Variants in SOX6 observed in about 807,000 individuals in gnomAD.
SOX6 encodes transcription factor SOX-6.
In SOX6, 11 loss-of-function variants were observed where a neutral mutation model predicts 97.8. That is an observed-to-expected ratio of 0.11 (90% CI 0.07 to 0.19). The LOEUF (loss-of-function observed/expected upper bound fraction) is 0.19. Ranked by LOEUF, SOX6 falls within the 10% of genes least tolerant of loss-of-function variation. The pLI is 1.00. For missense variants in SOX6, 810 were observed against 1,039.5 expected (o/e 0.78, Z 3.04); for synonymous variants, 360 against 371.4 (o/e 0.97, Z 0.35).
chr11:16,548,837 C>A (rs115390677), intron 4 of SOX6, among the ~76,000 whole-genome samples: 2,137 of 151,782 alleles, frequency 0.014, 42 homozygotes, highest in East Asian at 0.052. Context: ...GTGTTCTCAC[C>A]ACAAATAAAT....
intron 3 of SOX6, among the ~76,000 whole-genome samples, chr11:16,648,737 G>C (rs757446402): frequency 6.6e-6 from 1 of 152,104 alleles, no homozygotes; most frequent in African/African-American, 2.4e-5. Flanking sequence ...ACCCCCAAAA[G>C]ATCCCCAGCA....
intron 2 of SOX6, among the ~76,000 whole-genome samples, chr11:16,720,942 T>G (rs1026901574): frequency 6.6e-6 from 1 of 152,154 alleles, no homozygotes; most frequent in African/African-American, 2.4e-5. Flanking sequence ...AAAAGTCCAG[T>G]AGCATCTTCC....
intron 3 of SOX6, among the ~76,000 whole-genome samples, chr11:16,632,011 A>G (rs553758900): frequency 4.3e-4 from 66 of 152,136 alleles, no homozygotes; most frequent in Non-Finnish European, 7.8e-4. Flanking sequence ...ATTGACTTTC[A>G]ACCTTGTCTT....
At position 16,016,922 on chromosome 11, in the gene SOX6, C is replaced by T. The variant is rs543693827; in HGVS notation, c.1624-1872G>A. On this transcript the variant is annotated intron_variant, in intron 12 of 15. Coordinates refer to ENST00000683767, the MANE Select transcript of SOX6 (RefSeq NM_001367873.1). ...CAACTTTCTCTGAAAATCAACAGAC[C>T]GTGCTATCTATCAATATGCATATTT... Among the ~76,000 whole-genome samples, 7 of 152,038 alleles carry T rather than the reference C, an allele frequency of 4.6e-5. No individual in the cohort carries two copies. The South Asian group carries it at 6.2e-4, about 14-fold the overall frequency.
chr11:16,347,379 T>A (rs1856798525), intron 1 of SOX6, among the ~76,000 whole-genome samples: 1 of 152,108 alleles, frequency 6.6e-6, no homozygotes, highest in Non-Finnish European at 1.5e-5. Flanking sequence ...CCAGATTTTA[T>A]AAATAAATTC....
At chr11:16,233,470 G>A (rs978366411) in intron 4 of SOX6, among the ~76,000 whole-genome samples, 7 of 152,154 alleles carry the variant, frequency 4.6e-5, no homozygotes, top group East Asian at 3.9e-4. Flanking sequence ...TATCAATCAC[G>A]TATATTCAAA....
At chr11:16,563,040 T>A (rs1046028072) in intron 4 of SOX6, among the ~76,000 whole-genome samples, 2 of 152,092 alleles carry the variant, frequency 1.3e-5, no homozygotes, top group African/African-American at 4.8e-5. Context: ...AAAATCACTG[T>A]CATACCACAA....
intron 3 of SOX6, among the ~76,000 whole-genome samples, chr11:16,307,351 C>CT (rs1374935117): frequency 6.6e-6 from 1 of 152,184 alleles, no homozygotes; most frequent in Non-Finnish European, 1.5e-5. Flanking sequence ...TGAGACCAGA[C>CT]TTTCTGCTAT....
At chr11:16,676,519 T>A (rs1219523996) in intron 3 of SOX6, among the ~76,000 whole-genome samples, 1 of 152,228 alleles carries the variant, frequency 6.6e-6, no homozygotes, top group Non-Finnish European at 1.5e-5. Flanking sequence ...GTGAAATCTC[T>A]GGAAATCAGA....
intron 6 of SOX6, among the ~76,000 whole-genome samples, chr11:16,118,270 T>C (rs746189916): frequency 6.6e-6 from 1 of 152,220 alleles, no homozygotes; most frequent in Non-Finnish European, 1.5e-5. Flanking sequence ...TCTAAACTTA[T>C]ACAATCCCTA....
chr11:16,561,386 C>T (rs1847813242), intron 4 of SOX6, among the ~76,000 whole-genome samples: 1 of 152,112 alleles, frequency 6.6e-6, no homozygotes, highest in Non-Finnish European at 1.5e-5. Flanking sequence ...CAAACCCAGA[C>T]ACCTCCTAAG....
chr11:16,135,908 T>C (rs887017025), intron 6 of SOX6, among the ~76,000 whole-genome samples: 1 of 152,218 alleles, frequency 6.6e-6, no homozygotes, highest in African/African-American at 2.4e-5. Flanking sequence ...GGTTGTCTTA[T>C]TTTTAGAAAC....
chr11:16,675,785 T>C (rs532654388), intron 3 of SOX6, among the ~76,000 whole-genome samples: 176 of 152,342 alleles, frequency 1.2e-3, no homozygotes, highest in Non-Finnish European at 2.1e-3. Flanking sequence ...CTGGCTTCCA[T>C]GATTTCTGAT....
At chr11:16,706,449 C>CCAAAAAAAAAAAAA (rs1848132938) in intron 3 of SOX6, among the ~76,000 whole-genome samples, 1 of 2,450 alleles carries the variant, frequency 4.1e-4, no homozygotes, top group African/African-American at 1.6e-3. Flanking sequence ...GAACCTATCA[C>CCAAAAAAAAAAAAA]AAAAAAAAAA....
At chr11:16,301,257 A>C (rs1189411239) in intron 3 of SOX6, among the ~76,000 whole-genome samples, 1 of 152,202 alleles carries the variant, frequency 6.6e-6, no homozygotes, top group Non-Finnish European at 1.5e-5. Flanking sequence ...TTAATCAAAC[A>C]AATTTATCCA....
rs1848342303 is a variant in SOX6 at position 16,607,030 on chromosome 11, TC to T, written n.609+5050del. On this transcript the variant is annotated intron_variant and non_coding_transcript_variant, in intron 4 of 5. Coordinates refer to the SOX6 transcript ENST00000524520. This position sits in a 1 kb window ranked among gnomAD's most constrained non-coding sequence, Gnocchi z 6.5. The stretch of plus-strand genomic sequence containing the variant: ...CCTCCTCCCGCTCCTCCTCCTCCTT[TC>T]CCCTCCCCAGCCAAGTACGCAAACC... 1 of 151,374 alleles carries T rather than the reference TC, an allele frequency of 6.6e-6. No homozygotes were observed. Among genetic ancestry groups the T allele is most frequent in the Admixed American group, 6.6e-5 (1 of 15,200 alleles). 9.4% of individuals were successfully genotyped at this position (151,374 alleles called of 1,614,324 possible). A position where few individuals can be genotyped will look rare whatever the true frequency, so the allele number is the denominator to read the frequency against.
chr11:16,073,779 T>C (rs2133945565), intron 9 of SOX6, among the ~76,000 whole-genome samples: 1 of 152,168 alleles, frequency 6.6e-6, no homozygotes, highest in Non-Finnish European at 1.5e-5. Context: ...AAATCATTAC[T>C]AGGAAAATCA....
At chr11:16,541,403 T>C (rs1044745211) in intron 4 of SOX6, among the ~76,000 whole-genome samples, 2 of 152,146 alleles carry the variant, frequency 1.3e-5, no homozygotes, top group African/African-American at 4.8e-5. Context: ...ATTCAAGACA[T>C]AGGCATGGGC....
chr11:16,313,779 TC>T (rs1855678011), intron 3 of SOX6: 1 of 58,828 alleles, frequency 1.7e-5, no homozygotes, highest in Admixed American at 2.5e-4. Context: ...AACATGTTCC[TC>T]CTTTTTTTTT....
Sources: allele counts gnomAD v4.1 joint callset (sites outside exome capture counted in the v4.1 genomes callset), GRCh38; gene constraint gnomAD v4.1.1; non-coding constraint Gnocchi (gnomAD v3.1); transcripts MANE v1.5; gene names NCBI Gene and HGNC (gene_info 2026-07-23, HGNC 2026-07-21).